The following LNP1 variants were observed in gnomAD, a reference collection of about 807,000 sequenced individuals.
LNP1 encodes the protein leukemia NUP98 fusion partner 1.
A neutral mutation model predicts 14.5 loss-of-function variants in LNP1; 12 were observed. The observed-to-expected ratio is 0.83, with a 90% CI of 0.53 to 1.34. The LOEUF (loss-of-function observed/expected upper bound fraction) is 1.34. LNP1 is among the 40% of genes most tolerant of loss of function. The probability of loss-of-function intolerance (pLI) is 0.00; values close to 1 mark genes in which losing one functional copy is unlikely to be tolerated. For missense variants in LNP1, 198 were observed against 210.9 expected (o/e 0.94, Z 0.38); for synonymous variants, 75 against 71.4 (o/e 1.05, Z -0.26).
chr3:100,425,241 G>A (rs149332359), intron 1 of LNP1, among the ~76,000 whole-genome samples: 98 of 152,316 alleles, frequency 6.4e-4, no homozygotes, highest in Middle Eastern at 3.4e-3. Flanking sequence ...TCTTCCCACC[G>A]TGGGGAATTC....
chr3:100,451,692 G>A (rs1235817931), intron 2 of LNP1, 27 bp from the exon 3 acceptor site: 5 of 1,295,204 alleles, frequency 3.9e-6, no homozygotes, highest in African/African-American at 1.4e-5. Flanking sequence ...CTTTTATACT[G>A]TAAATTTTTT....
At chr3:100,416,060 A>G (rs763316912) in intron 1 of LNP1, among the ~76,000 whole-genome samples, 6 of 152,222 alleles carry the variant, frequency 3.9e-5, no homozygotes, top group Non-Finnish European at 8.8e-5. Context: ...GACTAGACCA[A>G]GGTTTGATTC....
At chr3:100,427,820 C>T (rs1355938209) in intron 1 of LNP1, among the ~76,000 whole-genome samples, 1 of 152,204 alleles carries the variant, frequency 6.6e-6, no homozygotes, top group Admixed American at 6.5e-5. Flanking sequence ...GTGCTTAATT[C>T]CTCCAGCAAT....
chr3:100,454,769 T>C (rs79123792), intron 3 of LNP1, among the ~76,000 whole-genome samples: 1,919 of 152,296 alleles, frequency 0.013, 39 homozygotes, highest in African/African-American at 0.044. Context: ...TGCGTTAACA[T>C]TGTAGAGCGG....
At chr3:100,431,272 G>T (rs1002157052) in intron 2 of LNP1, among the ~76,000 whole-genome samples, 1 of 152,202 alleles carries the variant, frequency 6.6e-6, no homozygotes, top group African/African-American at 2.4e-5. Context: ...TTAAAACAGA[G>T]ATAGTTACCC....
intron 3 of LNP1, among the ~76,000 whole-genome samples, chr3:100,453,512 C>T (rs1056210307): frequency 6.7e-5 from 10 of 149,432 alleles, no homozygotes; most frequent in Admixed American, 3.4e-4. Flanking sequence ...ATCTCTTGTG[C>T]TCGAGTTTGA....
At chr3:100,436,283 G>C in intron 2 of LNP1, among the ~76,000 whole-genome samples, 1 of 152,086 alleles carries the variant, frequency 6.6e-6, no homozygotes, top group Non-Finnish European at 1.5e-5. Flanking sequence ...ATTAATGCTG[G>C]TCAATTGTTG....
chr3:100,447,041 C>A (rs1195428601), intron 2 of LNP1, among the ~76,000 whole-genome samples: 8 of 152,162 alleles, frequency 5.3e-5, no homozygotes, highest in Non-Finnish European at 1.2e-4. Flanking sequence ...GACAGGGCGG[C>A]AATTCCTCAA....
At chr3:100,453,299 T>TC in intron 3 of LNP1, among the ~76,000 whole-genome samples, 1 of 151,992 alleles carries the variant, frequency 6.6e-6, no homozygotes, top group Non-Finnish European at 1.5e-5. Flanking sequence ...TTACTGTATC[T>TC]AAACCTTATT....
At chr3:100,419,987 A>G (rs1707128490) in intron 1 of LNP1, among the ~76,000 whole-genome samples, 1 of 152,204 alleles carries the variant, frequency 6.6e-6, no homozygotes, top group Admixed American at 6.5e-5. Flanking sequence ...TTTTATTCCC[A>G]TCAGCAATGT....
chr3:100,404,524 C>T (rs1317018775), intron 1 of LNP1, among the ~76,000 whole-genome samples: 2 of 152,180 alleles, frequency 1.3e-5, no homozygotes, highest in Non-Finnish European at 2.9e-5. Context: ...CAGCACAGCT[C>T]TAGATATTCC....
At chr3:100,433,075 T>C (rs1327553765) in intron 2 of LNP1, among the ~76,000 whole-genome samples, 1 of 152,170 alleles carries the variant, frequency 6.6e-6, no homozygotes, top group Non-Finnish European at 1.5e-5. Flanking sequence ...AAAGTTAAAG[T>C]TCTGGAATAC....
At chr3:100,406,813 A>G (rs1706972121) in intron 1 of LNP1, among the ~76,000 whole-genome samples, 1 of 152,236 alleles carries the variant, frequency 6.6e-6, no homozygotes, top group South Asian at 2.1e-4. Flanking sequence ...GATTACAGGC[A>G]TGAGCCACTT....
chr3:100,415,674 C>T (rs962181375), intron 1 of LNP1, among the ~76,000 whole-genome samples: 9 of 152,148 alleles, frequency 5.9e-5, no homozygotes, highest in African/African-American at 1.7e-4. Flanking sequence ...CACAAGAAAA[C>T]CTGTTTAGGG....
At chr3:100,431,714 G>C (rs186986906) in intron 2 of LNP1, among the ~76,000 whole-genome samples, 1 of 150,952 alleles carries the variant, frequency 6.6e-6, no homozygotes, top group Admixed American at 6.6e-5. Context: ...TACTTTTGGC[G>C]TGGTGCCATG....
At chr3:100,409,791 C>T (rs985979947) in intron 1 of LNP1, among the ~76,000 whole-genome samples, 1 of 151,292 alleles carries the variant, frequency 6.6e-6, no homozygotes, top group Non-Finnish European at 1.5e-5. Context: ...GACGGGGTTT[C>T]ACCATATTGG....
chr3:100,419,302 CT>C lies in LNP1; in HGVS notation c.-33-10389del, dbSNP rs527761455. 5.3e-5 allele frequency among the ~76,000 whole-genome samples: 8 copies of C among 151,864 alleles called. No individual in the cohort carries two copies. The South Asian group carries it at 1.5e-3, about 28-fold the overall frequency. On this transcript the variant is annotated intron_variant, in intron 1 of 3. Transcript: ENST00000383693. ...CTTTTTCTTGATATAAGTCATTTTT[CT>C]TTTTTACTTTTTATTATGAAATAAT...
At chr3:100,433,142 G>T (rs554317380) in intron 2 of LNP1, among the ~76,000 whole-genome samples, 1 of 152,126 alleles carries the variant, frequency 6.6e-6, no homozygotes, top group Admixed American at 6.6e-5. Context: ...GTGGTTTGCT[G>T]CACCTACCAA....
At chr3:100,416,280 A>T (rs1229560653) in intron 1 of LNP1, among the ~76,000 whole-genome samples, 1 of 152,164 alleles carries the variant, frequency 6.6e-6, no homozygotes, top group Non-Finnish European at 1.5e-5. Context: ...AGTCTTTTTG[A>T]AAAACAAACA....
Sources: gnomAD v4.1 joint callset for allele counts (sites outside exome capture counted in the v4.1 genomes callset) on GRCh38, gnomAD v4.1.1 for gene constraint, MANE v1.5 for transcripts, NCBI Gene and HGNC (gene_info 2026-07-23, HGNC 2026-07-21) for gene names.